Variants in KCNH1 observed in about 807,000 individuals in gnomAD.
KCNH1 encodes potassium voltage-gated channel subfamily H member 1.
In KCNH1, 27 loss-of-function variants were observed where a neutral mutation model predicts 69.2. That is an observed-to-expected ratio of 0.39 (90% CI 0.29 to 0.54). The LOEUF (loss-of-function observed/expected upper bound fraction) is 0.54, where lower values mean the gene tolerates loss of function less well. KCNH1 is among the 20% of genes least tolerant of loss of function. The probability of loss-of-function intolerance (pLI) is 0.68; values close to 1 mark genes in which losing one functional copy is unlikely to be tolerated. For synonymous variants in KCNH1, 456 were observed against 487.7 expected (o/e 0.93, Z 0.86); for missense variants, 798 against 1,261.6 (o/e 0.63, Z 5.57).
intron 10 of KCNH1, among the ~76,000 whole-genome samples, chr1:210,712,216 A>G (rs17188513): frequency 0.016 from 2,389 of 152,366 alleles, 31 homozygotes; most frequent in Middle Eastern, 0.031. Context: ...TGCTGCACCA[A>G]CCATGAGTGG....
chr1:210,702,830 C>T lies in KCNH1; in HGVS notation c.2113-18692G>A, dbSNP rs541061307. On this transcript the variant is annotated intron_variant, in intron 10 of 10. Transcript: ENST00000271751. Reference sequence around the variant, plus strand: ...CATTTTAGCCCCTTCTGCATCTGTGCTGCAGCTTCTTCCACTTTACTACAT... The same window carrying T: ...CATTTTAGCCCCTTCTGCATCTGTGTTGCAGCTTCTTCCACTTTACTACAT... 8.6e-5 allele frequency among the ~76,000 whole-genome samples: 13 copies of T among 150,734 alleles called. No homozygotes were observed. In the East Asian group the frequency reaches 1.9e-3, roughly 22 times the overall value.
chr1:211,093,858 C>T (rs1691098911), intron 3 of KCNH1, among the ~76,000 whole-genome samples: 2 of 152,148 alleles, frequency 1.3e-5, no homozygotes, highest in South Asian at 4.1e-4. Flanking sequence ...GGCCCCTTCT[C>T]TGCTTTGCTC....
At chr1:210,925,362 A>G (rs575670155) in intron 6 of KCNH1, among the ~76,000 whole-genome samples, 4 of 152,364 alleles carry the variant, frequency 2.6e-5, no homozygotes, top group African/African-American at 9.6e-5. Flanking sequence ...CAGGAAAGCC[A>G]AGAGAATCCA....
intron 7 of KCNH1, among the ~76,000 whole-genome samples, chr1:210,884,678 G>A (rs1686565591): frequency 6.6e-6 from 1 of 152,178 alleles, no homozygotes; most frequent in Non-Finnish European, 1.5e-5. Flanking sequence ...CCCAGGCCTG[G>A]CCTGGAACCA....
chr1:210,907,992 G>A (rs1202056948), intron 7 of KCNH1, among the ~76,000 whole-genome samples: 1 of 152,220 alleles, frequency 6.6e-6, no homozygotes, highest in African/African-American at 2.4e-5. Context: ...GTGTAGCAAA[G>A]GAAAATGAGG....
intron 5 of KCNH1, among the ~76,000 whole-genome samples, chr1:211,079,330 C>T (rs1690805681): frequency 6.6e-6 from 1 of 152,094 alleles, no homozygotes. Context: ...AATTAATAGC[C>T]TACCAACCAA....
chr1:210,945,104 T>G (rs942922084), intron 6 of KCNH1, among the ~76,000 whole-genome samples: 1 of 152,240 alleles, frequency 6.6e-6, no homozygotes, highest in Non-Finnish European at 1.5e-5. Context: ...TTACTTTTTA[T>G]GAATAAATAA....
At chr1:210,973,022 T>C (rs1049738616) in intron 6 of KCNH1, among the ~76,000 whole-genome samples, 1 of 152,006 alleles carries the variant, frequency 6.6e-6, no homozygotes, top group Non-Finnish European at 1.5e-5. Context: ...TTTCATCTGC[T>C]ATCTCAAAAT....
chr1:210,945,871 A>G (rs542928580), intron 6 of KCNH1, among the ~76,000 whole-genome samples: 1 of 151,946 alleles, frequency 6.6e-6, no homozygotes, highest in East Asian at 1.9e-4. Context: ...TAAAATCGCA[A>G]CTCCCAGACC....
intron 6 of KCNH1, among the ~76,000 whole-genome samples, chr1:210,922,648 C>G (rs1230613055): frequency 1.3e-5 from 2 of 151,990 alleles, no homozygotes; most frequent in Non-Finnish European, 2.9e-5. Context: ...TCTCAAAAAC[C>G]CACTATGTAA....
chr1:210,878,401 A>G (rs1172467071), intron 7 of KCNH1, among the ~76,000 whole-genome samples: 2 of 152,146 alleles, frequency 1.3e-5, no homozygotes, highest in Admixed American at 6.6e-5. Flanking sequence ...CTGGGCCACA[A>G]AAAACATCTT....
intron 6 of KCNH1, among the ~76,000 whole-genome samples, chr1:210,924,604 A>T (rs1243422817): frequency 2.0e-5 from 3 of 152,160 alleles, no homozygotes; most frequent in Non-Finnish European, 4.4e-5. Flanking sequence ...AAACATTTTT[A>T]TTTTATTTTA....
intron 3 of KCNH1, among the ~76,000 whole-genome samples, chr1:211,101,998 A>C (rs1247275105): frequency 6.6e-6 from 1 of 152,218 alleles, no homozygotes; most frequent in Non-Finnish European, 1.5e-5. Flanking sequence ...CAGGGAGGGA[A>C]GAAATGCTGA....
At chr1:210,731,866 G>T (rs1682755491) in intron 10 of KCNH1, among the ~76,000 whole-genome samples, 1 of 151,976 alleles carries the variant, frequency 6.6e-6, no homozygotes, top group Admixed American at 6.6e-5. Flanking sequence ...AGCTTGGCAG[G>T]GTGCTCTACC....
intron 6 of KCNH1, among the ~76,000 whole-genome samples, chr1:210,974,006 A>C (rs1336281515): frequency 6.6e-6 from 1 of 152,168 alleles, no homozygotes; most frequent in Non-Finnish European, 1.5e-5. Flanking sequence ...AACAATTTTC[A>C]GAGTATGAGT....
chr1:210,995,554 G>C (rs1441509364), intron 6 of KCNH1, among the ~76,000 whole-genome samples: 2 of 152,254 alleles, frequency 1.3e-5, no homozygotes, highest in East Asian at 3.9e-4. Flanking sequence ...GCCCAGAAAG[G>C]CTGCAGAATT....
chr1:210,775,080 TG>T (rs907327267), intron 10 of KCNH1, among the ~76,000 whole-genome samples: 1 of 151,974 alleles, frequency 6.6e-6, no homozygotes. Flanking sequence ...TAGATATTGA[TG>T]GGGGAAAAAA....
intron 5 of KCNH1, chr1:211,063,733 T>C (rs1179993868): frequency 6.7e-6 from 1 of 148,252 alleles, no homozygotes; most frequent in Non-Finnish European, 1.5e-5. Context: ...AGACCAAGAC[T>C]CCATCTCGGG....
chr1:210,751,780 A>T (rs1283553941), intron 10 of KCNH1, among the ~76,000 whole-genome samples: 1 of 152,154 alleles, frequency 6.6e-6, no homozygotes, highest in African/African-American at 2.4e-5. Flanking sequence ...GAGGCACTGT[A>T]TGAAGAAATG....
Sources: gnomAD v4.1 joint callset for allele counts (sites outside exome capture counted in the v4.1 genomes callset) on GRCh38, gnomAD v4.1.1 for gene constraint, MANE v1.5 for transcripts, NCBI Gene and HGNC (gene_info 2026-07-23, HGNC 2026-07-21) for gene names.